TENM2: variants seen among roughly 807,000 people sequenced by gnomAD.
TENM2 encodes teneurin-2.
A neutral mutation model predicts 245.2 loss-of-function variants in TENM2; 52 were observed. That is an observed-to-expected ratio of 0.21 (90% CI 0.17 to 0.27). The LOEUF is 0.27. TENM2 is among the 10% of genes least tolerant of loss of function. The pLI is 1.00. For missense variants in TENM2, 3,046 were observed against 3,666.8 expected (o/e 0.83, Z 4.37); for synonymous variants, 1,363 against 1,438.9 (o/e 0.95, Z 1.19).
At chr5:167,822,026 A>ATTTTG (rs201426886) in intron 2 of TENM2, among the ~76,000 whole-genome samples, 76 of 151,812 alleles carry the variant, frequency 5.0e-4, no homozygotes, top group East Asian at 1.6e-3. Flanking sequence ...TTGTTTTTTC[A>ATTTTG]TTTTGTTTTG....
At chr5:168,233,317 TC>T (rs1456188686) in intron 25 of TENM2, among the ~76,000 whole-genome samples, 1 of 151,634 alleles carries the variant, frequency 6.6e-6, no homozygotes, top group Non-Finnish European at 1.5e-5. Context: ...AGAGTGAGAC[TC>T]CCATCTCAAA....
At chr5:168,078,972 C>T (rs1357565321) in intron 7 of TENM2, among the ~76,000 whole-genome samples, 5 of 152,156 alleles carry the variant, frequency 3.3e-5, no homozygotes, top group Non-Finnish European at 7.3e-5. Flanking sequence ...TGAGGAAAGT[C>T]ATTGGTAGCT....
At position 167,952,835 on chromosome 5, in the gene TENM2, C is replaced by T. The variant is rs1407813334; in HGVS notation, c.947+13C>T. 6.5e-6 allele frequency: 10 copies of T among 1,548,116 alleles called. No homozygotes were observed. The highest frequency in any genetic ancestry group is 1.4e-5 in the African/African-American group (1 of 72,938). ...CACTGGAGACCCGGTAAGTCCCCAT[C>T]GCCAGCTCACAGTCACACTCAGTGT... On this transcript the variant is annotated intron_variant, in intron 4 of 28. Transcript: ENST00000518659.
the TENM2 span, among the ~76,000 whole-genome samples, chr5:167,070,869 T>C: frequency 6.6e-6 from 1 of 152,140 alleles, no homozygotes; most frequent in African/African-American, 2.4e-5. Context: ...TATAATTATA[T>C]TATGTAGAAT....
chr5:167,998,445 T>C (rs1351110715), intron 5 of TENM2, among the ~76,000 whole-genome samples: 1 of 152,208 alleles, frequency 6.6e-6, no homozygotes, highest in Non-Finnish European at 1.5e-5. Context: ...CATGTGTGAC[T>C]CTGTTGTTTA....
the TENM2 span, among the ~76,000 whole-genome samples, chr5:167,057,063 A>G: frequency 1.3e-5 from 2 of 151,464 alleles, no homozygotes; most frequent in Admixed American, 6.6e-5. Flanking sequence ...CGAAATTTCT[A>G]TTATCATATC....
the TENM2 span, among the ~76,000 whole-genome samples, chr5:167,002,754 C>A: frequency 6.6e-6 from 1 of 151,786 alleles, no homozygotes; most frequent in Admixed American, 6.6e-5. Flanking sequence ...TCCTAGGTGA[C>A]AAAGTGAGAC....
chr5:167,633,010 G>A (rs1383812103), intron 2 of TENM2, among the ~76,000 whole-genome samples: 1 of 152,158 alleles, frequency 6.6e-6, no homozygotes, highest in Non-Finnish European at 1.5e-5. Context: ...ACACTTGCAA[G>A]ACTCCTAGAT....
intron 13 of TENM2, among the ~76,000 whole-genome samples, chr5:168,172,559 G>A (rs1758941784): frequency 6.6e-6 from 1 of 152,168 alleles, no homozygotes; most frequent in East Asian, 1.9e-4. Flanking sequence ...CAGAACCTGG[G>A]TCAAGAACCC....
chr5:167,603,644 G>A (rs1342749063), intron 2 of TENM2, among the ~76,000 whole-genome samples: 1 of 152,168 alleles, frequency 6.6e-6, no homozygotes, highest in African/African-American at 2.4e-5. Context: ...TTGTGCCACT[G>A]CATTCCAGCC....
intron 3 of TENM2, among the ~76,000 whole-genome samples, chr5:167,878,569 A>G (rs6875425): frequency 0.32 from 36,785 of 115,022 alleles, 5,954 homozygotes; most frequent in East Asian, 0.77. Flanking sequence ...GCGTGTGCTC[A>G]CGTCTGTGTG....
At chr5:167,893,924 T>G (rs1214093648) in intron 3 of TENM2, among the ~76,000 whole-genome samples, 1 of 152,174 alleles carries the variant, frequency 6.6e-6, no homozygotes, top group Non-Finnish European at 1.5e-5. Context: ...AATCATGCAT[T>G]TTATGTAGTC....
chr5:167,780,899 AT>A (rs1270012943), intron 2 of TENM2, among the ~76,000 whole-genome samples: 2 of 152,198 alleles, frequency 1.3e-5, no homozygotes, highest in South Asian at 4.1e-4. Flanking sequence ...TGGCAATAGT[AT>A]TTTTGTAAGA....
intron 4 of TENM2, among the ~76,000 whole-genome samples, chr5:167,959,645 A>G (rs1002102387): frequency 2.0e-5 from 3 of 152,138 alleles, no homozygotes; most frequent in African/African-American, 2.4e-5. Flanking sequence ...GGGTCAGAAC[A>G]TGCTCCTTTA....
intron 2 of TENM2, among the ~76,000 whole-genome samples, chr5:167,871,190 G>T (rs1261304984): frequency 6.6e-6 from 1 of 152,198 alleles, no homozygotes; most frequent in African/African-American, 2.4e-5. Context: ...AGGTTTTCAG[G>T]TATGACTGAA....
chr5:167,459,781 GA>G (rs1191392131), intron 2 of TENM2, among the ~76,000 whole-genome samples: 1 of 151,934 alleles, frequency 6.6e-6, no homozygotes, highest in Admixed American at 6.6e-5. Context: ...TACACACATT[GA>G]AAACATAACC....
chr5:168,085,857 A>G (rs1291429445), intron 7 of TENM2, among the ~76,000 whole-genome samples: 1 of 152,178 alleles, frequency 6.6e-6, no homozygotes, highest in African/African-American at 2.4e-5. Flanking sequence ...CAATCCCACC[A>G]ACTGCTGAGC....
At chr5:167,261,188 G>A in the TENM2 span, among the ~76,000 whole-genome samples, 1 of 152,118 alleles carries the variant, frequency 6.6e-6, no homozygotes, top group Admixed American at 6.5e-5. Flanking sequence ...AGGGGATTTT[G>A]ATGTTCCCTA....
At chr5:168,146,692 A>C (rs1395881489) in intron 12 of TENM2, among the ~76,000 whole-genome samples, 2 of 152,192 alleles carry the variant, frequency 1.3e-5, no homozygotes, top group Non-Finnish European at 2.9e-5. Context: ...TCTAATCCTC[A>C]TGTCAGTTTT....
Sources: gnomAD v4.1 joint callset for allele counts (sites outside exome capture counted in the v4.1 genomes callset) on GRCh38, gnomAD v4.1.1 for gene constraint, MANE v1.5 for transcripts, NCBI Gene and HGNC (gene_info 2026-07-23, HGNC 2026-07-21) for gene names.